Variants in QPRT observed in about 807,000 individuals in gnomAD.
QPRT encodes the protein nicotinate-nucleotide pyrophosphorylase [carboxylating].
Under a neutral mutation model 19.8 loss-of-function variants are expected in QPRT, and 17 were observed. The observed-to-expected ratio is 0.86, with a 90% CI of 0.59 to 1.29. QPRT has a LOEUF of 1.29. QPRT is among the 50% of genes most tolerant of loss of function. QPRT has a pLI of 0.00. For synonymous variants in QPRT, 178 were observed against 191.0 expected (o/e 0.93, Z 0.56); for missense variants, 336 against 405.1 (o/e 0.83, Z 1.46).
intron 1 of QPRT, among the ~76,000 whole-genome samples, chr16:29,685,745 A>G (rs889103766): frequency 9.2e-5 from 14 of 152,142 alleles, no homozygotes; most frequent in Middle Eastern, 3.4e-3. Context: ...CACACTTGTA[A>G]TCCCAGCACT....
In QPRT at chr16:29,697,148, G is replaced by A. The variant is rs374570055; in HGVS notation, c.681+21G>A. On this transcript the variant is annotated intron_variant, in intron 3 of 3. Transcript: ENST00000395384. This position sits in a 1 kb window ranked among gnomAD's most constrained non-coding sequence, Gnocchi z 4.4. ...CAGAGGTAAGGTGGGCTCTGCCTCC[G>A]GGGAGGGATCTGTGGTGGGCTCTTA... 49 of 1,598,452 alleles carry A rather than the reference G, an allele frequency of 3.1e-5. No homozygotes were observed. The highest frequency in any genetic ancestry group is 1.3e-4 in the East Asian group (6 of 44,452).
chr16:29,693,707 C>T (rs1478175202), intron 1 of QPRT, among the ~76,000 whole-genome samples: 1 of 152,096 alleles, frequency 6.6e-6, no homozygotes, highest in Non-Finnish European at 1.5e-5. Flanking sequence ...TTGCCTCAGC[C>T]TCCCGAGTAG....
intron 1 of QPRT, among the ~76,000 whole-genome samples, chr16:29,680,021 G>A (rs563684058): frequency 6.0e-5 from 9 of 148,844 alleles, no homozygotes; most frequent in African/African-American, 2.2e-4. Flanking sequence ...GCAGTGGCGT[G>A]ATCTCGGCTC....
At chr16:29,689,924 G>C (rs532259288) in intron 1 of QPRT, among the ~76,000 whole-genome samples, 1 of 152,082 alleles carries the variant, frequency 6.6e-6, no homozygotes, top group African/African-American at 2.4e-5. Flanking sequence ...ATTTTAAGAC[G>C]CTAGCCTGCC....
intron 1 of QPRT, among the ~76,000 whole-genome samples, chr16:29,692,029 A>T (rs1311578695): frequency 6.6e-6 from 1 of 152,158 alleles, no homozygotes; most frequent in Non-Finnish European, 1.5e-5. Flanking sequence ...GTGTGCGTGC[A>T]CGTGTGTGCG....
chr16:29,682,024 G>A (rs932562171), intron 1 of QPRT, among the ~76,000 whole-genome samples: 7 of 151,494 alleles, frequency 4.6e-5, no homozygotes, highest in African/African-American at 1.7e-4. Context: ...CACCGCACCC[G>A]GCCTCTTTTG....
chr16:29,687,649 AG>A (rs1967200490), intron 1 of QPRT, among the ~76,000 whole-genome samples: 1 of 152,192 alleles, frequency 6.6e-6, no homozygotes, highest in African/African-American at 2.4e-5. Context: ...CAGGAGGCTG[AG>A]GCAGGAGAAC....
chr16:29,692,638 A>G (rs191303827), intron 1 of QPRT, among the ~76,000 whole-genome samples: 22 of 152,184 alleles, frequency 1.4e-4, no homozygotes, highest in Admixed American at 1.4e-3. Context: ...AAGGCATGCA[A>G]TGCATAATAA....
chr16:29,695,667 T>C (rs925177467), intron 2 of QPRT: 1 of 154,490 alleles, frequency 6.5e-6, no homozygotes, highest in Non-Finnish European at 1.4e-5. Context: ...TTTTTGTATT[T>C]TTTAGTAGAG....
chr16:29,683,065 CCCAG>C (rs1967057481), intron 1 of QPRT, among the ~76,000 whole-genome samples: 1 of 149,062 alleles, frequency 6.7e-6, no homozygotes. Context: ...CACTCTGTTG[CCCAG>C]GCTGGAGTGC....
chr16:29,696,978 CT>C lies in QPRT; in HGVS notation c.550-17del. ...GCTGGGCCCAGTCCTCACCCTTGTC[CT>C]CCCGGCTGCCCAGCAGGCGGTGCGG... On this transcript the variant is annotated splice_polypyrimidine_tract_variant and intron_variant, in intron 2 of 3. Coordinates refer to ENST00000395384, the MANE Select transcript of QPRT (RefSeq NM_014298.6). The C allele has an allele frequency of 6.3e-7, 1 of 1,586,606 alleles. No individual in the cohort carries two copies.
intron 1 of QPRT, among the ~76,000 whole-genome samples, chr16:29,691,677 G>A (rs1393502011): frequency 6.6e-6 from 1 of 152,138 alleles, no homozygotes. Context: ...AATGGAGTGG[G>A]AGTGGGGGAT....
At chr16:29,681,162 C>T (rs369182928) in intron 1 of QPRT, among the ~76,000 whole-genome samples, 2 of 152,008 alleles carry the variant, frequency 1.3e-5, no homozygotes, top group African/African-American at 2.4e-5. Flanking sequence ...TTTGAAACAA[C>T]GCCGACCTGG....
intron 1 of QPRT, among the ~76,000 whole-genome samples, chr16:29,681,131 A>G (rs534868540): frequency 7.3e-5 from 11 of 151,676 alleles, no homozygotes; most frequent in African/African-American, 2.2e-4. Context: ...ACACCTTTCA[A>G]TCTCCATTGT....
chr16:29,691,296 C>T (rs868795740), intron 1 of QPRT, among the ~76,000 whole-genome samples: 26 of 128,794 alleles, frequency 2.0e-4, no homozygotes, highest in Middle Eastern at 5.7e-3. Context: ...ACCCGCGGGA[C>T]GGAGGTTGCA....
chr16:29,683,076 G>A (rs932746081), intron 1 of QPRT, among the ~76,000 whole-genome samples: 1 of 149,468 alleles, frequency 6.7e-6, no homozygotes, highest in Admixed American at 6.7e-5. Context: ...CCAGGCTGGA[G>A]TGCAGTGGCG....
intron 1 of QPRT, among the ~76,000 whole-genome samples, chr16:29,690,959 A>C (rs1967308178): frequency 6.6e-6 from 1 of 151,308 alleles, no homozygotes; most frequent in Non-Finnish European, 1.5e-5. Flanking sequence ...AAAGTGCTGG[A>C]ATTACGGCGT....
chr16:29,683,436 G>A (rs1315339699), intron 1 of QPRT, among the ~76,000 whole-genome samples: 1 of 151,908 alleles, frequency 6.6e-6, no homozygotes, highest in African/African-American at 2.4e-5. Context: ...GCTCACTGCA[G>A]CCTCCAACTC....
rs538645233 is a variant in QPRT at position 29,697,817 on chromosome 16, C to G, written c.*406C>G. 1 of 161,910 alleles carries G rather than the reference C, an allele frequency of 6.2e-6. No individual in the cohort carries two copies. The highest frequency in any genetic ancestry group is 1.3e-5 in the Non-Finnish European group (1 of 74,670). The allele number at this position is 161,910 out of a possible 1,614,324, so 10.0% of individuals were successfully genotyped here. On this transcript the variant is annotated 3_prime_UTR_variant, in exon 4 of 4. Coordinates refer to ENST00000395384, the MANE Select transcript of QPRT (RefSeq NM_014298.6). This position sits in a 1 kb window ranked among gnomAD's most constrained non-coding sequence, Gnocchi z 4.4. ...CCTGGCCAACATGGTGAAACCCCAT[C>G]TCTACCAAAAATAGAAGAATTAGCT...
Sources: gnomAD v4.1 joint callset for allele counts (sites outside exome capture counted in the v4.1 genomes callset) on GRCh38, gnomAD v4.1.1 for gene constraint, Gnocchi (gnomAD v3.1) non-coding constraint, MANE v1.5 for transcripts, NCBI Gene and HGNC (gene_info 2026-07-23, HGNC 2026-07-21) for gene names.